TUSC3: variants seen among roughly 807,000 people sequenced by gnomAD.
TUSC3 encodes tumor suppressor candidate 3.
TUSC3 carries 45 observed loss-of-function variants against 44.8 expected under a neutral mutation model. The observed-to-expected ratio is 1.00, with a 90% CI of 0.79 to 1.29. The LOEUF (loss-of-function observed/expected upper bound fraction) is 1.29. TUSC3 is among the 50% of genes most tolerant of loss of function. TUSC3 has a pLI of 0.00. For missense variants in TUSC3, 519 were observed against 437.9 expected (o/e 1.19, Z -1.65); for synonymous variants, 212 against 152.9 (o/e 1.39, Z -2.85).
intron 1 of TUSC3, among the ~76,000 whole-genome samples, chr8:15,440,390 C>G (rs1484663745): frequency 6.6e-6 from 1 of 152,074 alleles, no homozygotes; most frequent in East Asian, 1.9e-4. Flanking sequence ...TAGACAGTGT[C>G]TTGAGGATCT....
At chr8:15,838,150 C>T in the TUSC3 span, among the ~76,000 whole-genome samples, 1 of 152,212 alleles carries the variant, frequency 6.6e-6, no homozygotes, top group East Asian at 1.9e-4. Context: ...TTGTCTGTGC[C>T]CTGAAAATAT....
intron 2 of TUSC3, among the ~76,000 whole-genome samples, chr8:15,491,512 C>T (rs1186798813): frequency 6.6e-6 from 1 of 151,956 alleles, no homozygotes; most frequent in African/African-American, 2.4e-5. Flanking sequence ...GTAACTAAGG[C>T]ATGAAGAAAT....
chr8:15,769,280 C>T (rs533493710), downstream of TUSC3, among the ~76,000 whole-genome samples: 3 of 152,078 alleles, frequency 2.0e-5, no homozygotes, highest in East Asian at 1.9e-4. Context: ...TAATACCACA[C>T]GTCTACAACC....
At chr8:15,507,754 T>C (rs1339148508) in intron 2 of TUSC3, among the ~76,000 whole-genome samples, 2 of 150,100 alleles carry the variant, frequency 1.3e-5, no homozygotes, top group African/African-American at 4.8e-5. Flanking sequence ...TTGTACTCTT[T>C]AACAGTCTAC....
intron 6 of TUSC3, among the ~76,000 whole-genome samples, chr8:15,713,499 C>T (rs1434725252): frequency 6.6e-6 from 1 of 152,070 alleles, no homozygotes; most frequent in Admixed American, 6.6e-5. Context: ...TATTAGTTTG[C>T]TAGGGCTGCC....
chr8:15,755,357 C>T (rs1009493146), intron 9 of TUSC3, among the ~76,000 whole-genome samples: 1 of 152,074 alleles, frequency 6.6e-6, no homozygotes, highest in African/African-American at 2.4e-5. Flanking sequence ...ATGTTTGATG[C>T]TAATTATCAT....
chr8:15,538,520 T>C (rs1488006932), upstream of TUSC3, among the ~76,000 whole-genome samples: 1 of 152,200 alleles, frequency 6.6e-6, no homozygotes, highest in Non-Finnish European at 1.5e-5. Flanking sequence ...GTTCAAATTT[T>C]TTCTGGGCCT....
At chr8:15,638,716 G>C (rs756110064) in intron 2 of TUSC3, among the ~76,000 whole-genome samples, 8 of 151,882 alleles carry the variant, frequency 5.3e-5, no homozygotes, top group Non-Finnish European at 8.8e-5. Flanking sequence ...AATAGAGACA[G>C]GGTTTCACCA....
intron 1 of TUSC3, among the ~76,000 whole-genome samples, chr8:15,552,012 T>G (rs2129136872): frequency 6.6e-6 from 1 of 151,870 alleles, no homozygotes; most frequent in Non-Finnish European, 1.5e-5. Context: ...GTATGGAGAC[T>G]TCTTTGATTT....
chr8:15,841,408 A>G, the TUSC3 span, among the ~76,000 whole-genome samples: 26 of 152,266 alleles, frequency 1.7e-4, no homozygotes, highest in East Asian at 4.8e-3. Flanking sequence ...ATTCATGTAC[A>G]TTTTATTCTA....
intron 1 of TUSC3, among the ~76,000 whole-genome samples, chr8:15,563,951 T>G (rs1222466833): frequency 6.6e-6 from 1 of 152,104 alleles, no homozygotes; most frequent in Admixed American, 6.6e-5. Flanking sequence ...AAATTCAAAG[T>G]TAAATTTTCA....
At chr8:15,545,892 C>T (rs901135116) in intron 1 of TUSC3, among the ~76,000 whole-genome samples, 1 of 151,748 alleles carries the variant, frequency 6.6e-6, no homozygotes, top group African/African-American at 2.4e-5. Context: ...GTTTATTTGG[C>T]ATGTCAGACT....
At chr8:15,795,508 T>C in the TUSC3 span, among the ~76,000 whole-genome samples, 1 of 152,168 alleles carries the variant, frequency 6.6e-6, no homozygotes, top group African/African-American at 2.4e-5. Flanking sequence ...AGGAGACTCT[T>C]TGGATAAACT....
intron 6 of TUSC3, among the ~76,000 whole-genome samples, chr8:15,724,407 C>A (rs967021070): frequency 6.6e-6 from 1 of 152,116 alleles, no homozygotes; most frequent in African/African-American, 2.4e-5. Flanking sequence ...AAAACTAGGG[C>A]TCTTCTACTG....
chr8:15,826,112 C>A, the TUSC3 span, among the ~76,000 whole-genome samples: 1 of 152,014 alleles, frequency 6.6e-6, no homozygotes, highest in Non-Finnish European at 1.5e-5. Context: ...GTTTCCAGTG[C>A]ATAAATATGA....
intron 1 of TUSC3, among the ~76,000 whole-genome samples, chr8:15,575,461 T>A (rs1232017171): frequency 6.6e-6 from 1 of 152,164 alleles, no homozygotes; most frequent in Non-Finnish European, 1.5e-5. Flanking sequence ...TAATATATAT[T>A]TTATTTCAAA....
intron 1 of TUSC3, among the ~76,000 whole-genome samples, chr8:15,460,181 G>A (rs1800325261): frequency 6.6e-6 from 1 of 151,982 alleles, no homozygotes; most frequent in Non-Finnish European, 1.5e-5. Context: ...CCTGATCTCT[G>A]CATCCACACC....
In TUSC3 at chr8:15,604,471, C is replaced by T. The variant is rs957988463; in HGVS notation, c.139-18609C>T. Among the ~76,000 whole-genome samples, 14 of 151,326 alleles carry T rather than the reference C, an allele frequency of 9.3e-5. No individual in the cohort carries two copies. The East Asian group carries it at 2.3e-3, about 25-fold the overall frequency. On this transcript the variant is annotated intron_variant, in intron 1 of 10. Transcript: ENST00000503731. ...TGCTTTTCTGCATTAAAATAGTTCC[C>T]CAAATTCTCAAAATAGTAGTTATTA... is the stretch of plus-strand genomic sequence containing the variant.
At chr8:15,504,819 A>T (rs2129127491) in intron 2 of TUSC3, among the ~76,000 whole-genome samples, 1 of 149,852 alleles carries the variant, frequency 6.7e-6, no homozygotes, top group East Asian at 2.0e-4. Context: ...TGCCCAGCTA[A>T]TTTTTTGTAT....
Sources: allele counts gnomAD v4.1 joint callset (sites outside exome capture counted in the v4.1 genomes callset), GRCh38; gene constraint gnomAD v4.1.1; transcripts MANE v1.5; gene names NCBI Gene and HGNC (gene_info 2026-07-23, HGNC 2026-07-21).